The following WWP1 variants were observed in gnomAD, a reference collection of about 807,000 sequenced individuals.
WWP1 encodes NEDD4-like E3 ubiquitin-protein ligase WWP1.
WWP1 carries 49 observed loss-of-function variants against 130.6 expected under a neutral mutation model. That is an observed-to-expected ratio of 0.38 (90% confidence interval 0.30 to 0.48). The LOEUF (loss-of-function observed/expected upper bound fraction) is 0.48, where lower values mean the gene tolerates loss of function less well. Among genes scored for constraint, WWP1 ranks in the 20% least tolerant of loss-of-function variants. The pLI is 0.99. For synonymous variants in WWP1, 332 were observed against 367.8 expected, an observed-to-expected ratio of 0.90 and a Z score of 1.11; for missense variants, 809 against 1,100.6, an observed-to-expected ratio of 0.74 and a Z score of 3.75.
rs1812281349 is a variant in WWP1, at chr8:86,468,348, G to A, written c.*1455G>A. 4.5e-6 allele frequency: 2 copies of A among 449,034 alleles called. No homozygotes were observed. The highest frequency in any genetic ancestry group is 8.9e-6 in the Non-Finnish European group (2 of 225,272). 27.8% of individuals were successfully genotyped at this position (449,034 alleles called of 1,614,324 possible). On this transcript the variant is annotated 3_prime_UTR_variant, in exon 25 of 25. Transcript: ENST00000517970. ...TTCAGAATTCATAGTAAAGACGAAA[G>A]AAAGGCAGAGATCTGCTTGGTTGAA...
chr8:86,363,431 T>A (rs1823783601), intron 1 of WWP1, among the ~76,000 whole-genome samples: 1 of 152,130 alleles, frequency 6.6e-6, no homozygotes, highest in African/African-American at 2.4e-5. Context: ...TTTTGGGGCC[T>A]AGTGCAGGAG....
intron 9 of WWP1, among the ~76,000 whole-genome samples, chr8:86,418,939 T>C (rs896193996): frequency 6.6e-6 from 1 of 152,176 alleles, no homozygotes; most frequent in African/African-American, 2.4e-5. Flanking sequence ...AATACTAATA[T>C]AGATTGTTCT....
intron 5 of WWP1, among the ~76,000 whole-genome samples, chr8:86,382,332 T>C (rs1009092761): frequency 6.6e-6 from 1 of 152,200 alleles, no homozygotes; most frequent in Non-Finnish European, 1.5e-5. Context: ...TATGTACATA[T>C]ATGTGTAATT....
chr8:86,450,584 G>A (rs984546637), intron 20 of WWP1, among the ~76,000 whole-genome samples: 4 of 152,188 alleles, frequency 2.6e-5, no homozygotes, highest in Non-Finnish European at 5.9e-5. Context: ...TTTCTGTAAA[G>A]TTAAGCACTG....
At chr8:86,366,985 G>T (rs1240191052) in intron 1 of WWP1, among the ~76,000 whole-genome samples, 1 of 152,244 alleles carries the variant, frequency 6.6e-6, no homozygotes, top group Non-Finnish European at 1.5e-5. Context: ...TCTATTGAGG[G>T]GGGAGACTGC....
chr8:86,378,309 T>A (rs754079621), intron 3 of WWP1, among the ~76,000 whole-genome samples: 1 of 152,150 alleles, frequency 6.6e-6, no homozygotes, highest in Non-Finnish European at 1.5e-5. Context: ...ACTTTTCAAA[T>A]CTAGGAATAT....
At chr8:86,416,680 A>G (rs532235013) in intron 9 of WWP1, among the ~76,000 whole-genome samples, 2 of 152,216 alleles carry the variant, frequency 1.3e-5, no homozygotes, top group East Asian at 3.9e-4. Flanking sequence ...ACTAGGTAGA[A>G]GAGGGTTATG....
Position 86,342,741 on chromosome 8 carries a change from G to T in WWP1, c.-304G>T. The T allele has an allele frequency of 2.8e-6, 1 of 360,966 alleles. No homozygotes were observed. The highest frequency in any genetic ancestry group is 1.3e-4 in the South Asian group (1 of 7,530). 22.4% of individuals were successfully genotyped at this position (360,966 alleles called of 1,614,324 possible). On this transcript the variant is annotated 5_prime_UTR_variant, in exon 1 of 25. Coordinates refer to ENST00000517970, the MANE Select transcript of WWP1 (RefSeq NM_007013.4). ...GGTGGGGGGAGGGTCGGGTGTCGGC[G>T]AGCTCCGCGTGCGGGTTCCGAGTGG...
chr8:86,449,201 G>C (rs1811045093), intron 20 of WWP1, among the ~76,000 whole-genome samples: 1 of 152,028 alleles, frequency 6.6e-6, no homozygotes, highest in Non-Finnish European at 1.5e-5. Flanking sequence ...ATTTTTCCAA[G>C]ATTTTATTTC....
chr8:86,425,386 G>A, intron 10 of WWP1, 68 bp downstream of exon 10: 5 of 1,208,166 alleles, frequency 4.1e-6, no homozygotes, highest in East Asian at 2.4e-5. Context: ...AATTTATTTA[G>A]TACAGCGTAA....
intron 20 of WWP1, among the ~76,000 whole-genome samples, chr8:86,449,709 A>G (rs753162248): frequency 6.6e-6 from 1 of 152,218 alleles, no homozygotes; most frequent in Non-Finnish European, 1.5e-5. Context: ...TTCTATGAAT[A>G]GTACTACCAT....
At chr8:86,396,482 T>C (rs375233089) in intron 5 of WWP1, among the ~76,000 whole-genome samples, 7 of 152,252 alleles carry the variant, frequency 4.6e-5, no homozygotes, top group African/African-American at 1.4e-4. Context: ...TGTTTGTTTT[T>C]GATGTAAAGT....
chr8:86,382,669 C>T (rs1223278834), intron 5 of WWP1, among the ~76,000 whole-genome samples: 2 of 152,118 alleles, frequency 1.3e-5, no homozygotes, highest in Admixed American at 6.5e-5. Flanking sequence ...ACTGCACTCC[C>T]AGCCTGGGCG....
At chr8:86,379,290 A>G (rs1824850220) in intron 3 of WWP1, among the ~76,000 whole-genome samples, 2 of 152,176 alleles carry the variant, frequency 1.3e-5, no homozygotes, top group South Asian at 4.1e-4. Context: ...GTTCAGACAT[A>G]ACATTGAACA....
chr8:86,444,575 C>A (rs1194495709), intron 18 of WWP1, among the ~76,000 whole-genome samples: 1 of 152,122 alleles, frequency 6.6e-6, no homozygotes, highest in Non-Finnish European at 1.5e-5. Flanking sequence ...GAGTGGTCCC[C>A]AGAGGACAAG....
intron 1 of WWP1, among the ~76,000 whole-genome samples, chr8:86,361,145 A>G (rs1823570670): frequency 6.6e-6 from 1 of 152,184 alleles, no homozygotes. Context: ...TAGAGGATGG[A>G]TCTAGGTTGG....
chr8:86,427,934 G>GT (rs1809725124), intron 11 of WWP1, 117 bp downstream of exon 11: 1 of 911,332 alleles, frequency 1.1e-6, no homozygotes, highest in East Asian at 2.8e-5. Flanking sequence ...TTTCAGAAAT[G>GT]GTATAGACTG....
At chr8:86,452,135 TG>T (rs1445273685) in intron 20 of WWP1, among the ~76,000 whole-genome samples, 1 of 152,096 alleles carries the variant, frequency 6.6e-6, no homozygotes, top group Non-Finnish European at 1.5e-5. Flanking sequence ...TCCTCAGGTC[TG>T]TCACGGCAAT....
At position 86,378,583 on chromosome 8, in the gene WWP1, A is replaced by G. The variant is rs557128281; in HGVS notation, c.71-2143A>G. On this transcript the variant is annotated intron_variant, in intron 3 of 24. Transcript: ENST00000517970. ...ATTAAATGAGAAAAAAAATCTATAT[A>G]TTCTACTAACTAGAACAACTTTTTG... 2.6e-4 allele frequency among the ~76,000 whole-genome samples: 39 copies of G among 152,286 alleles called. 1 individual carries two copies. In the South Asian group the frequency reaches 8.1e-3, roughly 32 times the overall value.
Sources: gnomAD v4.1 joint callset for allele counts (sites outside exome capture counted in the v4.1 genomes callset) on GRCh38, gnomAD v4.1.1 for gene constraint, MANE v1.5 for transcripts, NCBI Gene and HGNC (gene_info 2026-07-23, HGNC 2026-07-21) for gene names.